FNDC1: variants seen among roughly 807,000 people sequenced by gnomAD.
FNDC1 encodes fibronectin type III domain containing 1.
A neutral mutation model predicts 168.0 loss-of-function variants in FNDC1; 96 were observed. The ratio of observed to expected loss-of-function variants is 0.57; its 90% confidence interval spans 0.48 to 0.68. FNDC1 has a LOEUF of 0.68. Ranked by LOEUF, FNDC1 falls within the 30% of genes least tolerant of loss-of-function variation. The pLI is 0.00. For synonymous variants in FNDC1, 1,099 were observed against 1,025.9 expected (o/e 1.07, Z -1.36); for missense variants, 2,587 against 2,482.1 (o/e 1.04, Z -0.90).
intron 18 of FNDC1, among the ~76,000 whole-genome samples, chr6:159,257,905 CTTT>C (rs142754305): frequency 0.53 from 69,170 of 131,456 alleles, 19,656 homozygotes; most frequent in Non-Finnish European, 0.66. Context: ...GAGTCAATGT[CTTT>C]TTTTTTTTTT....
intron 9 of FNDC1, among the ~76,000 whole-genome samples, chr6:159,228,605 T>C (rs957435213): frequency 1.8e-4 from 28 of 152,260 alleles, no homozygotes; most frequent in Non-Finnish European, 3.8e-4. Flanking sequence ...GAAAAGATCA[T>C]CCATGCTCCT....
chr6:159,208,652 G>A (rs1317644561), intron 4 of FNDC1, among the ~76,000 whole-genome samples: 1 of 152,126 alleles, frequency 6.6e-6, no homozygotes, highest in Non-Finnish European at 1.5e-5. Context: ...ACCAAAGTCA[G>A]CTACTGACTG....
In FNDC1 at chr6:159,232,469, G is replaced by A. The variant is rs755834840; in HGVS notation, c.1957G>A (p.Ala653Thr). The change falls in exon 11 of 23, where the codon GCT becomes ACT. Residue 653 changes from alanine to threonine, a missense_variant. By Grantham distance (58) the Ala-to-Thr change is moderately conservative. Coordinates refer to ENST00000297267, the MANE Select transcript of FNDC1 (RefSeq NM_032532.3). The surrounding 1 kb of genome is among the most constrained non-coding windows in gnomAD (Gnocchi z 4.9). ...DLVDSDEDER[A>T]VGSLHPKGAF... ...GGTGGACTCAGACGAAGATGAGCGCGCTGTGGGCTCCCTCCACCCCAAGGG... is the reference window on the plus strand; with the variant it reads ...GGTGGACTCAGACGAAGATGAGCGCACTGTGGGCTCCCTCCACCCCAAGGG... 1.1e-4 allele frequency: 175 copies of A among 1,612,106 alleles called. No individual in the cohort carries two copies. In the Admixed American group the frequency reaches 2.8e-3, roughly 26 times the overall value.
chr6:159,245,211 G>A (rs568559879), intron 14 of FNDC1, among the ~76,000 whole-genome samples: 2 of 152,282 alleles, frequency 1.3e-5, no homozygotes, highest in Non-Finnish European at 2.9e-5. Context: ...AGGTATCATG[G>A]GGATTATAAT....
In FNDC1 at chr6:159,233,562, C is replaced by A; in HGVS notation, c.3050C>A (p.Pro1017Gln). The A allele has an allele frequency of 6.3e-7, 1 of 1,592,390 alleles. No individual in the cohort carries two copies. ...PPPVATSQHH[P>Q]GPQSRDAGRS... ...CCCGTCGCCACGTCCCAGCACCACC[C>A]GGGACCCCAGAGCAGAGACGCGGGT... Residue 1017 changes from proline to glutamine, a missense_variant, in exon 11 of 23, where the codon CCG becomes CAG. By Grantham distance (76) the Pro-to-Gln change is moderately conservative. Coordinates refer to ENST00000297267, the MANE Select transcript of FNDC1 (RefSeq NM_032532.3). This position sits in a 1 kb window ranked among gnomAD's most constrained non-coding sequence, Gnocchi z 4.6.
At chr6:159,266,284 A>G (rs2097496031) in intron 21 of FNDC1, 39 bp downstream of exon 21, 1 of 1,607,498 alleles carries the variant, frequency 6.2e-7, no homozygotes, top group African/African-American at 1.3e-5. Flanking sequence ...GAGGTATGGA[A>G]CATTTTGATT....
rs1221310593 is a variant in FNDC1 at position 159,271,678 on chromosome 6, G to T, written c.*236G>T. ...TAACTTTGCTTCTCTACTTTTTTTTGTTTGTTTGTAATAGCACATCCCAGA... is the reference window on the plus strand; with the variant it reads ...TAACTTTGCTTCTCTACTTTTTTTTTTTTGTTTGTAATAGCACATCCCAGA... On this transcript the variant is annotated 3_prime_UTR_variant, in exon 23 of 23. Coordinates refer to ENST00000297267, the MANE Select transcript of FNDC1 (RefSeq NM_032532.3). 1 of 420,968 alleles carries T rather than the reference G, an allele frequency of 2.4e-6. No individual in the cohort carries two copies. The allele number at this position is 420,968 out of a possible 1,614,324, so 26.1% of individuals were successfully genotyped here.
intron 9 of FNDC1, among the ~76,000 whole-genome samples, chr6:159,229,432 G>C (rs577475532): frequency 1.3e-5 from 2 of 152,206 alleles, no homozygotes; most frequent in Non-Finnish European, 2.9e-5. Flanking sequence ...ATTCCTAGCA[G>C]TTGTCACTTC....
At position 159,238,631 on chromosome 6, in the gene FNDC1, G is replaced by T. The variant is rs192084699; in HGVS notation, c.4146G>T (p.Arg1382=). ...AAGATTCACATGGAAATCCTCTTCGGATTAAACTAGGAGGAGATGGTCGAA... is the reference window on the plus strand; with the variant it reads ...AAGATTCACATGGAAATCCTCTTCGTATTAAACTAGGAGGAGATGGTCGAA... ...YLQDSHGNPL[R]IKLGGDGRTI... is the part of the protein sequence containing the mutation. Residue 1382 remains arginine (R), a synonymous_variant, in exon 13 of 23, where the codon CGG becomes CGT. Transcript: ENST00000297267. The T allele has an allele frequency of 2.1e-4, 338 of 1,609,274 alleles. 1 individual carries two copies. The East Asian group carries it at 6.9e-3, about 33-fold the overall frequency.
At chr6:159,221,069 CTCTGTTT>C (rs1782812408) in intron 5 of FNDC1, among the ~76,000 whole-genome samples, 1 of 152,286 alleles carries the variant, frequency 6.6e-6, no homozygotes, top group East Asian at 1.9e-4. Context: ...TCTTCAGAGA[CTCTGTTT>C]TGAGGATTTT....
intron 17 of FNDC1, among the ~76,000 whole-genome samples, chr6:159,256,164 G>A (rs568372814): frequency 1.1e-3 from 167 of 152,298 alleles, no homozygotes; most frequent in African/African-American, 3.8e-3. Context: ...TTACCCGGAA[G>A]TTCTTAAATA....
At chr6:159,254,354 T>C (rs1416921011) in intron 17 of FNDC1, among the ~76,000 whole-genome samples, 2 of 152,122 alleles carry the variant, frequency 1.3e-5, no homozygotes, top group Non-Finnish European at 2.9e-5. Context: ...TTTTAATTCA[T>C]CTCAGAAATG....
At chr6:159,218,214 T>C (rs1395161729) in intron 5 of FNDC1, 1 of 152,252 alleles carries the variant, frequency 6.6e-6, no homozygotes, top group Non-Finnish European at 1.5e-5. Context: ...AGTGGTGAAC[T>C]GCTGGCTCAC....
At chr6:159,194,286 G>A (rs878980909) in intron 1 of FNDC1, among the ~76,000 whole-genome samples, 3 of 152,150 alleles carry the variant, frequency 2.0e-5, no homozygotes. Flanking sequence ...TCCTCCCAAT[G>A]TTCCTTCTAT....
In FNDC1 at chr6:159,223,572, A is replaced by G. The variant is rs202080149; in HGVS notation, c.811A>G (p.Met271Val). ...ACCTGACGACATCAGCGTCCGGGTTATGTCATCTCAGTCTGTGCTTGTGTC... is the reference window on the plus strand; with the variant it reads ...ACCTGACGACATCAGCGTCCGGGTTGTGTCATCTCAGTCTGTGCTTGTGTC... ...DVPDDISVRV[M>V]SSQSVLVSWV... The change falls in exon 7 of 23, where the codon ATG (methionine) becomes GTG (valine). Residue 271 changes from methionine (M) to valine (V), a missense_variant. Coordinates refer to ENST00000297267, the MANE Select transcript of FNDC1 (RefSeq NM_032532.3). 467 of 1,613,796 alleles carry G rather than the reference A, an allele frequency of 2.9e-4. No individual in the cohort carries two copies. Among genetic ancestry groups the G allele is most frequent in the Non-Finnish European group, 3.6e-4 (429 of 1,179,842 alleles).
At chr6:159,183,288 T>G (rs1010554140) in intron 1 of FNDC1, among the ~76,000 whole-genome samples, 1 of 152,200 alleles carries the variant, frequency 6.6e-6, no homozygotes, top group Non-Finnish European at 1.5e-5. Context: ...GAAAAATGGG[T>G]TCTTTTCAGC....
intron 4 of FNDC1, among the ~76,000 whole-genome samples, chr6:159,202,690 A>G (rs1439436598): frequency 6.6e-6 from 1 of 152,212 alleles, no homozygotes; most frequent in Non-Finnish European, 1.5e-5. Context: ...CAGCTATCTC[A>G]ACTGAATTGT....
rs1460111475 is a variant in FNDC1, at chr6:159,232,592, G to T, written c.2080G>T (p.Ala694Ser). The change falls in exon 11 of 23, where the codon GCC becomes TCC. Residue 694 changes from alanine (A) to serine (S), a missense_variant. Coordinates refer to ENST00000297267, the MANE Select transcript of FNDC1 (RefSeq NM_032532.3). The surrounding 1 kb of genome is among the most constrained non-coding windows in gnomAD (Gnocchi z 4.9). ...RSSVHPGAKP[A>S]SPARRTPHSG... is the part of the protein sequence containing the mutation. ...CTCTGTGCACCCCGGCGCAAAGCCA[G>T]CCTCGCCGGCCCGGAGGACCCCCCA... 1.2e-6 allele frequency: 2 copies of T among 1,608,438 alleles called. No individual in the cohort carries two copies. The highest frequency in any genetic ancestry group is 1.7e-5 in the Admixed American group (1 of 59,600).
intron 21 of FNDC1, among the ~76,000 whole-genome samples, chr6:159,266,479 TCACAC>T (rs1777595498): frequency 6.6e-6 from 1 of 152,174 alleles, no homozygotes; most frequent in Non-Finnish European, 1.5e-5. Flanking sequence ...GCACAGTGGC[TCACAC>T]CTGTAATCGC....
Sources: allele counts gnomAD v4.1 joint callset (sites outside exome capture counted in the v4.1 genomes callset), GRCh38; gene constraint gnomAD v4.1.1; non-coding constraint Gnocchi (gnomAD v3.1); transcripts MANE v1.5; gene names NCBI Gene and HGNC (gene_info 2026-07-23, HGNC 2026-07-21).